Variants in MACROD2 observed in about 807,000 individuals in gnomAD.
MACROD2 encodes ADP-ribose glycohydrolase MACROD2.
Under a neutral mutation model 70.4 loss-of-function variants are expected in MACROD2, and 36 were observed. The ratio of observed to expected loss-of-function variants is 0.51; its 90% CI spans 0.39 to 0.68. The LOEUF (loss-of-function observed/expected upper bound fraction) is 0.68. Among genes scored for constraint, MACROD2 ranks in the 30% least tolerant of loss-of-function variants. The pLI, the probability that MACROD2 is intolerant of heterozygous loss-of-function variation, is 0.00. For synonymous variants in MACROD2, 172 were observed against 178.8 expected (o/e 0.96, Z 0.30); for missense variants, 496 against 538.4 (o/e 0.92, Z 0.78).
chr20:14,960,696 T>C (rs2074575561), intron 5 of MACROD2, among the ~76,000 whole-genome samples: 3 of 152,162 alleles, frequency 2.0e-5, no homozygotes, highest in South Asian at 4.1e-4. Flanking sequence ...AACAGGTTTC[T>C]GGTTTCTCAT....
Position 14,167,183 on chromosome 20 carries a change from T to A in MACROD2, c.271+81455T>A, listed in dbSNP as rs182702891. ...AGGTTTTTGTTGTTTTGGACTCTTC[T>A]CAGAATTCCTGTAGCACTTATATAA... On this transcript the variant is annotated intron_variant, in intron 3 of 17. Coordinates refer to ENST00000684519, the MANE Select transcript of MACROD2 (RefSeq NM_001351661.2). Among the ~76,000 whole-genome samples the A allele has an allele frequency of 1.8e-4, 27 of 152,306 alleles. No individual in the cohort carries two copies. In the East Asian group the frequency reaches 5.2e-3, roughly 29 times the overall value.
chr20:15,257,599 TATC>T (rs1347320011), intron 6 of MACROD2, among the ~76,000 whole-genome samples: 3 of 152,078 alleles, frequency 2.0e-5, no homozygotes, highest in African/African-American at 7.2e-5. Context: ...GAAAAATTTC[TATC>T]TTCTTAAGGT....
intron 4 of MACROD2, among the ~76,000 whole-genome samples, chr20:14,652,407 A>G (rs1600501187): frequency 6.6e-6 from 1 of 152,314 alleles, no homozygotes; most frequent in East Asian, 1.9e-4. Flanking sequence ...AATTTCAAAC[A>G]TATCATTTAT....
intron 6 of MACROD2, among the ~76,000 whole-genome samples, chr20:15,309,011 T>C (rs1202346185): frequency 6.6e-6 from 1 of 152,174 alleles, no homozygotes; most frequent in Non-Finnish European, 1.5e-5. Context: ...CGCTTCTCTG[T>C]CCTATACAAA....
chr20:14,171,752 A>C (rs888410707), intron 3 of MACROD2, among the ~76,000 whole-genome samples: 1 of 152,210 alleles, frequency 6.6e-6, no homozygotes, highest in Non-Finnish European at 1.5e-5. Flanking sequence ...TTTGTGGGCT[A>C]TCATGTTGTC....
chr20:15,497,999 A>C (rs556989144), intron 7 of MACROD2, among the ~76,000 whole-genome samples: 1 of 152,356 alleles, frequency 6.6e-6, no homozygotes, highest in East Asian at 1.9e-4. Flanking sequence ...TAAGAGTTTT[A>C]CATTTTGGTG....
At chr20:14,231,996 T>C (rs2081818346) in intron 3 of MACROD2, among the ~76,000 whole-genome samples, 1 of 152,170 alleles carries the variant, frequency 6.6e-6, no homozygotes, top group Non-Finnish European at 1.5e-5. Flanking sequence ...TGTTTGTTTT[T>C]TTTCTTGTAA....
In MACROD2 at chr20:15,937,327, G is replaced by A. The variant is rs1166494761; in HGVS notation, c.839-149G>A. 6.2e-6 allele frequency: 4 copies of A among 647,426 alleles called. No homozygotes were observed. The East Asian group carries it at 8.3e-5, about 13-fold the overall frequency. The allele number at this position is 647,426 out of a possible 1,614,324, so 40.1% of individuals were successfully genotyped here. On this transcript the variant is annotated intron_variant, in intron 11 of 17. Coordinates refer to ENST00000684519, the MANE Select transcript of MACROD2 (RefSeq NM_001351661.2). The stretch of plus-strand genomic sequence containing the variant: ...TATAAAAGAGAGTCCCAAACCACTA[G>A]CCCCTTCAAAGAGCATTCAGTGTAT...
At position 15,859,025 on chromosome 20, in the gene MACROD2, AGATT is replaced by A. The variant is rs551939901; in HGVS notation, c.646-3715_646-3712del. Among the ~76,000 whole-genome samples, 788 of 152,342 alleles carry A rather than the reference AGATT, an allele frequency of 5.2e-3. 3 individuals carry two copies. Among genetic ancestry groups the A allele is most frequent in the Non-Finnish European group, 8.2e-3 (560 of 68,022 alleles). ...ACTAGAAGCCTTACAGATAACATAA[AGATT>A]GATTAACACATATTTTGTATGTTAT... On this transcript the variant is annotated intron_variant, in intron 8 of 17. Transcript: ENST00000684519.
intron 8 of MACROD2, among the ~76,000 whole-genome samples, chr20:15,663,891 G>T (rs1017365263): frequency 6.6e-6 from 1 of 152,182 alleles, no homozygotes; most frequent in Non-Finnish European, 1.5e-5. Flanking sequence ...CAAAAGCAGT[G>T]CGTGTTGCTT....
chr20:14,488,761 G>C (rs557918052), intron 3 of MACROD2, among the ~76,000 whole-genome samples: 1 of 152,264 alleles, frequency 6.6e-6, no homozygotes, highest in East Asian at 1.9e-4. Context: ...AAAATAAAGG[G>C]GTTGGACCAA....
chr20:15,801,425 T>C (rs2063725436), intron 8 of MACROD2, among the ~76,000 whole-genome samples: 1 of 150,938 alleles, frequency 6.6e-6, no homozygotes, highest in African/African-American at 2.4e-5. Context: ...TCTGGGGTCC[T>C]GAAACTAAGG....
chr20:15,295,229 A>G (rs981497151), intron 6 of MACROD2, among the ~76,000 whole-genome samples: 2 of 152,178 alleles, frequency 1.3e-5, no homozygotes, highest in Non-Finnish European at 2.9e-5. Flanking sequence ...AGTCCTCCCC[A>G]GTCATGTGGA....
intron 7 of MACROD2, among the ~76,000 whole-genome samples, chr20:15,486,271 C>G (rs1184923012): frequency 2.0e-5 from 3 of 152,168 alleles, no homozygotes; most frequent in Non-Finnish European, 2.9e-5. Flanking sequence ...AGTCATCACT[C>G]TGTGGCACAT....
At chr20:14,415,839 G>A (rs1252106488) in intron 3 of MACROD2, among the ~76,000 whole-genome samples, 1 of 152,130 alleles carries the variant, frequency 6.6e-6, no homozygotes, top group African/African-American at 2.4e-5. Flanking sequence ...TTAATTACAT[G>A]ATTAAAATAC....
intron 8 of MACROD2, among the ~76,000 whole-genome samples, chr20:15,765,711 C>T (rs1033819223): frequency 3.3e-5 from 5 of 151,936 alleles, no homozygotes; most frequent in African/African-American, 1.2e-4. Context: ...ACAACAGCAA[C>T]AAGAAAGGAA....
At chr20:14,400,233 C>T (rs181349919) in intron 3 of MACROD2, among the ~76,000 whole-genome samples, 201 of 152,266 alleles carry the variant, frequency 1.3e-3, no homozygotes, top group African/African-American at 4.7e-3. Flanking sequence ...TTGACCCTTT[C>T]AAGCCTTGCT....
intron 5 of MACROD2, among the ~76,000 whole-genome samples, chr20:15,000,147 C>T (rs2074981689): frequency 1.3e-5 from 2 of 152,108 alleles, no homozygotes; most frequent in African/African-American, 4.8e-5. Flanking sequence ...CCTTGAAGGG[C>T]AAATATCAAC....
chr20:14,491,287 T>C (rs2084790854), intron 3 of MACROD2, among the ~76,000 whole-genome samples: 1 of 152,310 alleles, frequency 6.6e-6, no homozygotes, highest in South Asian at 2.1e-4. Flanking sequence ...TTTTGTTATT[T>C]TTTAGAGAAT....
Sources: allele counts gnomAD v4.1 joint callset (sites outside exome capture counted in the v4.1 genomes callset), GRCh38; gene constraint gnomAD v4.1.1; transcripts MANE v1.5; gene names NCBI Gene and HGNC (gene_info 2026-07-23, HGNC 2026-07-21).